Variants in MYO18A observed in about 807,000 individuals in gnomAD.
MYO18A encodes the protein unconventional myosin-XVIIIa.
Under a neutral mutation model 235.8 loss-of-function variants are expected in MYO18A, and 78 were observed. The observed-to-expected ratio is 0.33, with a 90% CI of 0.28 to 0.40. MYO18A has a LOEUF of 0.40. Among genes scored for constraint, MYO18A ranks in the 10% least tolerant of loss-of-function variants. The pLI, the probability that MYO18A is intolerant of heterozygous loss-of-function variation, is 1.00. For missense variants in MYO18A, 2,215 were observed against 2,699.3 expected, an observed-to-expected ratio of 0.82 and a Z score of 3.98; for synonymous variants, 977 against 1,077.8, an observed-to-expected ratio of 0.91 and a Z score of 1.83.
chr17:29,137,284 A>T (rs1382507343), intron 2 of MYO18A, among the ~76,000 whole-genome samples: 1 of 152,242 alleles, frequency 6.6e-6, no homozygotes, highest in East Asian at 1.9e-4. Flanking sequence ...GCTGCACGAG[A>T]GTGCTGGGAC....
chr17:29,147,889 C>CAAAA (rs11389237), intron 2 of MYO18A, among the ~76,000 whole-genome samples: 4 of 87,082 alleles, frequency 4.6e-5, no homozygotes, highest in Non-Finnish European at 4.5e-5. Flanking sequence ...GCCTGGGTGA[C>CAAAA]AAAAAAAAAA....
At chr17:29,145,001 A>T (rs1337921771) in intron 2 of MYO18A, among the ~76,000 whole-genome samples, 1 of 152,236 alleles carries the variant, frequency 6.6e-6, no homozygotes, top group Non-Finnish European at 1.5e-5. Context: ...ACAAAATATT[A>T]TTTTTATAAT....
At chr17:29,080,981 C>G in intron 41 of MYO18A, 1 of 985,488 alleles carries the variant, frequency 1.0e-6, no homozygotes, top group Non-Finnish European at 1.2e-6. Context: ...TCCTCCACCC[C>G]CGGGGCCTCC....
Position 29,074,248 on chromosome 17 carries a change from CTCTCAGGGA to C in MYO18A, c.*513_*521del. Reference sequence around the variant, plus strand: ...CAGCTACCACTACAGCCCCCTCCCACTCTCAGGGATGCAGCTGTGATGGAGAGGTTGGGT... The same window carrying C: ...CAGCTACCACTACAGCCCCCTCCCACTGCAGCTGTGATGGAGAGGTTGGGT... On this transcript the variant is annotated 3_prime_UTR_variant, in exon 42 of 42. Transcript: ENST00000527372. The surrounding 1 kb of genome is among the most constrained non-coding windows in gnomAD (Gnocchi z 4.4). 1 of 1,492,904 alleles carries C rather than the reference CTCTCAGGGA, an allele frequency of 6.7e-7. No homozygotes were observed. The highest frequency in any genetic ancestry group is 1.3e-5 in the South Asian group (1 of 77,462). The allele number at this position is 1,492,904 out of a possible 1,614,324, so 92.5% of individuals were successfully genotyped here.
chr17:29,148,942 C>T (rs1056979526), intron 2 of MYO18A, among the ~76,000 whole-genome samples: 1 of 152,214 alleles, frequency 6.6e-6, no homozygotes, highest in African/African-American at 2.4e-5. Flanking sequence ...CCAGCCGGAG[C>T]CTGGGCGGGG....
At chr17:29,130,399 C>T (rs1228801893) in intron 2 of MYO18A, among the ~76,000 whole-genome samples, 1 of 150,970 alleles carries the variant, frequency 6.6e-6, no homozygotes, top group Non-Finnish European at 1.5e-5. Flanking sequence ...CCATGGCACT[C>T]TTCCAAGCAC....
intron 41 of MYO18A, among the ~76,000 whole-genome samples, chr17:29,081,686 G>A (rs979103587): frequency 6.6e-6 from 1 of 152,176 alleles, no homozygotes. Context: ...TGCCACACTG[G>A]CCAGTAGGAA....
chr17:29,074,849 T>C lies in MYO18A; in HGVS notation c.6086A>G (p.Asn2029Ser). 1 of 1,613,822 alleles carries C rather than the reference T, an allele frequency of 6.2e-7. No individual in the cohort carries two copies. Among genetic ancestry groups the C allele is most frequent in the Non-Finnish European group, 8.5e-7 (1 of 1,179,852 alleles). Residue 2029 changes from asparagine (N) to serine (S), a missense_variant, in exon 42 of 42, where the codon AAC (asparagine) becomes AGC (serine). Physicochemically the swap from Asn to Ser is conservative, Grantham distance 46. Transcript: ENST00000527372. The surrounding 1 kb of genome is among the most constrained non-coding windows in gnomAD (Gnocchi z 4.4). Reference protein sequence around the residue: ...RSDDEHDPLDNTSRPRYSHSY... With the variant: ...RSDDEHDPLDSTSRPRYSHSY... ...GTGGGAGTATCGCGGTCTGGAGGTG[T>C]TGTCGAGAGGGTCGTGCTCATCATC... is the stretch of plus-strand genomic sequence containing the variant.
chr17:29,086,463 C>A lies in MYO18A; in HGVS notation c.5827G>T (p.Asp1943Tyr). 6.2e-7 allele frequency: 1 copy of A among 1,606,998 alleles called. No individual in the cohort carries two copies. Residue 1943 changes from aspartate (D) to tyrosine (Y), a missense_variant, in exon 39 of 42, where the codon GAT becomes TAT. Physicochemically the swap from Asp to Tyr is radical, Grantham distance 160 (BLOSUM62 -3). Coordinates refer to ENST00000527372, the MANE Select transcript of MYO18A (RefSeq NM_078471.4). ...QAAIEDEMES[D>Y]ENEDLINSLQ... The stretch of plus-strand genomic sequence containing the variant: ...CTGTTGATGAGGTCCTCATTCTCAT[C>A]ACTCTCCATCTCATCCTCAATGGCA...
At chr17:29,124,665 A>C in intron 2 of MYO18A, 1 of 1,285,442 alleles carries the variant, frequency 7.8e-7, no homozygotes, top group Non-Finnish European at 1.0e-6. Flanking sequence ...GGCTGTGGGC[A>C]TGAGAGGCGG....
At chr17:29,101,612 C>G (rs1362412678) in intron 21 of MYO18A, among the ~76,000 whole-genome samples, 1 of 152,152 alleles carries the variant, frequency 6.6e-6, no homozygotes, top group Non-Finnish European at 1.5e-5. Context: ...TGGCCCCCAG[C>G]TGCTTAATTT....
chr17:29,093,959 G>A (rs1390235356), intron 31 of MYO18A, 21 bp downstream of exon 31: 6 of 1,560,680 alleles, frequency 3.8e-6, no homozygotes, highest in Non-Finnish European at 5.2e-6. Flanking sequence ...CGCTGGACAG[G>A]TAAGTACTCA....
chr17:29,147,919 G>A (rs991114876), intron 2 of MYO18A, among the ~76,000 whole-genome samples: 4 of 150,902 alleles, frequency 2.7e-5, no homozygotes, highest in Admixed American at 1.3e-4. Context: ...GGAAGTCAAG[G>A]TAAAAGGTGA....
Position 29,087,053 on chromosome 17 carries a change from G to A in MYO18A, c.5595C>T (p.Ala1865=), listed in dbSNP as rs767450141. The part of the protein sequence containing the change: ...LTEERDQRIA[A]ENREKEQNKR... ...TGTTCTGTTCCTTCTCCCGGTTCTC[G>A]GCTGCAATGCGCTGATCCCGCTCCT... is the stretch of plus-strand genomic sequence containing the variant. The change falls in exon 38 of 42, where the codon GCC becomes GCT. Residue 1865 remains alanine (A), a synonymous_variant. Coordinates refer to ENST00000527372, the MANE Select transcript of MYO18A (RefSeq NM_078471.4). 8.7e-6 allele frequency: 14 copies of A among 1,613,846 alleles called. No individual in the cohort carries two copies. Among genetic ancestry groups the A allele is most frequent in the South Asian group, 2.2e-5 (2 of 91,080 alleles).
intron 1 of MYO18A, among the ~76,000 whole-genome samples, chr17:29,175,285 T>C (rs960129214): frequency 6.6e-6 from 1 of 152,094 alleles, no homozygotes; most frequent in Non-Finnish European, 1.5e-5. Flanking sequence ...AACATTCATC[T>C]GGTAAATGTG....
rs1233642887 is a variant in MYO18A at position 29,117,680 on chromosome 17, G to A, written c.2038+365C>T. Among the ~76,000 whole-genome samples the A allele has an allele frequency of 2.6e-5, 4 of 152,164 alleles. No individual in the cohort carries two copies. Among genetic ancestry groups the A allele is most frequent in the Non-Finnish European group, 4.4e-5 (3 of 68,018 alleles). ...CCCCTATACCCAAGGGCGGGGCCAA[G>A]GTCAGTTACCCGCTTGCTCCTCGGG... On this transcript the variant is annotated intron_variant, in intron 10 of 41. Transcript: ENST00000527372. The surrounding 1 kb of genome is among the most constrained non-coding windows in gnomAD (Gnocchi z 4.6).
chr17:29,122,326 C>T, intron 2 of MYO18A, 73 bp from the exon 3 acceptor site: 3 of 1,384,644 alleles, frequency 2.2e-6, no homozygotes, highest in Non-Finnish European at 3.0e-6. Context: ...AGAGGGGAGA[C>T]AAGTGAGGGC....
At chr17:29,086,858 C>G (rs1598276494) in intron 38 of MYO18A, 78 bp downstream of exon 38, 2 of 1,467,020 alleles carry the variant, frequency 1.4e-6, no homozygotes, top group Non-Finnish European at 9.1e-7. Context: ...TATCCTCAAC[C>G]AGGCCAGAGT....
chr17:29,086,655 ACTT>A (rs2066260496), intron 38 of MYO18A, 78 bp from the exon 39 acceptor site: 3 of 1,533,460 alleles, frequency 2.0e-6, no homozygotes, highest in Non-Finnish European at 2.6e-6. Flanking sequence ...TGCTTCAAGT[ACTT>A]TCCGGTCATG....
Sources: allele counts gnomAD v4.1 joint callset (sites outside exome capture counted in the v4.1 genomes callset), GRCh38; gene constraint gnomAD v4.1.1; non-coding constraint Gnocchi (gnomAD v3.1); transcripts MANE v1.5; gene names NCBI Gene and HGNC (gene_info 2026-07-23, HGNC 2026-07-21).